CAMTA1: variants seen among roughly 807,000 people sequenced by gnomAD.
The protein encoded by CAMTA1 is calmodulin binding transcription activator 1, also known as calmodulin-binding transcription activator 1.
CAMTA1 carries 27 observed loss-of-function variants against 170.9 expected under a neutral mutation model. That is an observed-to-expected ratio of 0.16 (90% CI 0.12 to 0.22). The LOEUF is 0.22. Among genes scored for constraint, CAMTA1 ranks in the 10% least tolerant of loss-of-function variants. The pLI is 1.00. For missense variants in CAMTA1, 1,619 were observed against 2,217.2 expected, an observed-to-expected ratio of 0.73 and a Z score of 5.42; for synonymous variants, 833 against 891.5, an observed-to-expected ratio of 0.93 and a Z score of 1.17.
At chr1:7,414,360 A>G (rs1227983403) in intron 5 of CAMTA1, among the ~76,000 whole-genome samples, 1 of 152,128 alleles carries the variant, frequency 6.6e-6, no homozygotes, top group African/African-American at 2.4e-5. Flanking sequence ...TACCTCTGGT[A>G]GAATTCGGCT....
chr1:7,681,875 TG>T lies in CAMTA1; in HGVS notation c.2914+4143del, dbSNP rs2096209216. On this transcript the variant is annotated intron_variant, in intron 11 of 22. Coordinates refer to ENST00000303635, the MANE Select transcript of CAMTA1 (RefSeq NM_015215.4). The surrounding 1 kb of genome is among the most constrained non-coding windows in gnomAD (Gnocchi z 4.6). ...CCAAGGACACTGGGACACCTTTAAG[TG>T]ACCTGGGTCCCTAGAAGAGAAGGTG... Among the ~76,000 whole-genome samples the T allele has an allele frequency of 6.6e-6, 1 of 152,112 alleles. No individual in the cohort carries two copies. The highest frequency in any genetic ancestry group is 2.4e-5 in the African/African-American group (1 of 41,410).
chr1:7,739,896 TC>T (rs1330890187), intron 16 of CAMTA1, among the ~76,000 whole-genome samples: 1 of 151,808 alleles, frequency 6.6e-6, no homozygotes, highest in African/African-American at 2.4e-5. Context: ...GAGCTACAAT[TC>T]AAGATGAGAT....
At chr1:6,966,392 A>G (rs1691555856) in intron 3 of CAMTA1, among the ~76,000 whole-genome samples, 1 of 151,454 alleles carries the variant, frequency 6.6e-6, no homozygotes, top group Admixed American at 6.6e-5. Flanking sequence ...TTCTGTCTCT[A>G]TTGATTTGCT....
intron 5 of CAMTA1, among the ~76,000 whole-genome samples, chr1:7,454,317 A>G (rs1402251378): frequency 2.6e-5 from 4 of 152,192 alleles, no homozygotes; most frequent in Non-Finnish European, 5.9e-5. Flanking sequence ...ATGGGCAGGC[A>G]GGGGACAGAG....
chr1:7,246,670 C>CTT (rs34382670), intron 4 of CAMTA1, among the ~76,000 whole-genome samples: 936 of 73,902 alleles, frequency 0.013, 85 homozygotes, highest in East Asian at 0.057. Context: ...CTCTGACCTG[C>CTT]TTTTTTTTTT....
At chr1:7,616,468 G>C (rs1316040381) in intron 6 of CAMTA1, among the ~76,000 whole-genome samples, 1 of 152,210 alleles carries the variant, frequency 6.6e-6, no homozygotes, top group Non-Finnish European at 1.5e-5. Context: ...AAATGCCTCC[G>C]AACCGGTCAG....
intron 6 of CAMTA1, among the ~76,000 whole-genome samples, chr1:7,550,977 C>T: frequency 6.6e-6 from 1 of 152,098 alleles, no homozygotes; most frequent in East Asian, 1.9e-4. Flanking sequence ...AGGCAAAGTA[C>T]CCCCGCTTCA....
chr1:7,532,308 T>C lies in CAMTA1; in HGVS notation c.510+64407T>C, dbSNP rs1292731277. 6.6e-6 allele frequency among the ~76,000 whole-genome samples: 1 copy of C among 152,088 alleles called. No homozygotes were observed. The highest frequency in any genetic ancestry group is 1.5e-5 in the Non-Finnish European group (1 of 68,026). On this transcript the variant is annotated intron_variant, in intron 6 of 22. Transcript: ENST00000303635. The surrounding 1 kb of genome is among the most constrained non-coding windows in gnomAD (Gnocchi z 4.2). ...CTTCTCAGCTTCTTTCATTTCTTTC[T>C]ATTTTTTTTTTAGAGACAGATTTCA... is the stretch of plus-strand genomic sequence containing the variant.
chr1:7,504,514 C>A (rs1482243301), intron 6 of CAMTA1, among the ~76,000 whole-genome samples: 1 of 152,264 alleles, frequency 6.6e-6, no homozygotes, highest in East Asian at 1.9e-4. Flanking sequence ...CTTCCAGGGC[C>A]CTCAGAGCTG....
At chr1:7,441,598 G>A (rs871009) in intron 5 of CAMTA1, 11,315 of 152,320 alleles carry the variant, frequency 0.074, 704 homozygotes, top group East Asian at 0.28. Flanking sequence ...CTTGAAGTCA[G>A]CTTCCCGGAA....
chr1:7,051,468 G>A (rs775096964), intron 3 of CAMTA1, among the ~76,000 whole-genome samples: 47 of 152,316 alleles, frequency 3.1e-4, no homozygotes, highest in Non-Finnish European at 6.5e-4. Context: ...CTGCACGGAC[G>A]GAGACCTCTG....
intron 4 of CAMTA1, among the ~76,000 whole-genome samples, chr1:7,180,346 G>A (rs1285949848): frequency 3.5e-5 from 5 of 141,160 alleles, no homozygotes; most frequent in African/African-American, 8.0e-5. Flanking sequence ...TGACAAGAGC[G>A]AAACTACATC....
intron 21 of CAMTA1, 91 bp from the exon 22 acceptor site, chr1:7,755,547 A>G: frequency 2.0e-6 from 2 of 1,005,610 alleles, no homozygotes; most frequent in Non-Finnish European, 3.1e-6. Context: ...ACCATGTTAT[A>G]TTCTTTTTTG....
chr1:7,629,426 C>T (rs771276095), intron 6 of CAMTA1, among the ~76,000 whole-genome samples: 10 of 152,206 alleles, frequency 6.6e-5, no homozygotes, highest in Non-Finnish European at 1.2e-4. Flanking sequence ...TTAGAAAAAG[C>T]TCTTTATATT....
intron 3 of CAMTA1, among the ~76,000 whole-genome samples, chr1:6,843,636 T>C (rs1213709795): frequency 3.3e-5 from 5 of 152,224 alleles, no homozygotes; most frequent in Admixed American, 2.0e-4. Flanking sequence ...CGCACCACCA[T>C]GCCCTGCTAA....
rs559512119 is a variant in CAMTA1 at position 7,685,026 on chromosome 1, C to G, written c.2914+7293C>G. Among the ~76,000 whole-genome samples, 3 of 151,798 alleles carry G rather than the reference C, an allele frequency of 2.0e-5. No individual in the cohort carries two copies. The highest frequency in any genetic ancestry group is 2.1e-4 in the South Asian group (1 of 4,788). ...GTCGGGGAGTTCACAGGCACCGTCC[C>G]GCGGTCACAGGTGGCATGTTTTGAG... On this transcript the variant is annotated intron_variant, in intron 11 of 22. Coordinates refer to ENST00000303635, the MANE Select transcript of CAMTA1 (RefSeq NM_015215.4). The surrounding 1 kb of genome is among the most constrained non-coding windows in gnomAD (Gnocchi z 5.7).
intron 3 of CAMTA1, among the ~76,000 whole-genome samples, chr1:7,029,402 T>C (rs1288491977): frequency 1.4e-5 from 2 of 142,570 alleles, no homozygotes; most frequent in East Asian, 4.2e-4. Flanking sequence ...CTTGGGAGGC[T>C]GAGGCAGGAG....
chr1:6,925,043 G>A (rs1571760618), intron 3 of CAMTA1, among the ~76,000 whole-genome samples: 1 of 152,208 alleles, frequency 6.6e-6, no homozygotes, highest in Non-Finnish European at 1.5e-5. Flanking sequence ...TCTGGCCTTG[G>A]AGCCTTGAGG....
intron 3 of CAMTA1, among the ~76,000 whole-genome samples, chr1:6,942,844 A>G (rs1448335749): frequency 6.6e-6 from 1 of 152,154 alleles, no homozygotes; most frequent in African/African-American, 2.4e-5. Flanking sequence ...GCACGGCCAG[A>G]CACGATGTTT....
Sources: gnomAD v4.1 joint callset for allele counts (sites outside exome capture counted in the v4.1 genomes callset) on GRCh38, gnomAD v4.1.1 for gene constraint, Gnocchi (gnomAD v3.1) non-coding constraint, MANE v1.5 for transcripts, NCBI Gene and HGNC (gene_info 2026-07-23, HGNC 2026-07-21) for gene names.